Variants in CNTNAP2 observed in about 807,000 individuals in gnomAD.
CNTNAP2 encodes the protein contactin associated protein 2.
Under a neutral mutation model 155.2 loss-of-function variants are expected in CNTNAP2, and 98 were observed. The observed-to-expected ratio is 0.63, with a 90% CI of 0.54 to 0.75. The LOEUF (loss-of-function observed/expected upper bound fraction) is 0.75, where lower values mean the gene tolerates loss of function less well. CNTNAP2 is among the 30% of genes least tolerant of loss of function. The pLI, the probability that CNTNAP2 is intolerant of heterozygous loss-of-function variation, is 0.00. For missense variants in CNTNAP2, 1,727 were observed against 1,688.1 expected (o/e 1.02, Z -0.40); for synonymous variants, 651 against 631.2 (o/e 1.03, Z -0.47).
At chr7:147,303,795 C>T (rs1794982920) in intron 9 of CNTNAP2, among the ~76,000 whole-genome samples, 3 of 152,142 alleles carry the variant, frequency 2.0e-5, no homozygotes, top group African/African-American at 7.2e-5. Context: ...ACTGACTTTC[C>T]AATGCATCTT....
intron 1 of CNTNAP2, among the ~76,000 whole-genome samples, chr7:146,239,505 C>G (rs1447858255): frequency 6.6e-6 from 1 of 152,126 alleles, no homozygotes; most frequent in Non-Finnish European, 1.5e-5. Context: ...GATAGGATAA[C>G]CTGGAGAATC....
chr7:148,331,776 A>G lies in CNTNAP2; in HGVS notation c.3476-51873A>G, dbSNP rs80199711. Among the ~76,000 whole-genome samples the G allele has an allele frequency of 6.1e-3, 74 of 12,092 alleles. 7 individuals carry two copies. The highest frequency in any genetic ancestry group is 0.011 in the East Asian group (4 of 350). The allele number at this position is 12,092 out of a possible 152,430, so 7.9% of individuals were successfully genotyped here. A position where few individuals can be genotyped will look rare whatever the true frequency, so the allele number is the denominator to read the frequency against. ...CGGACGGATGGATTGGATGGATGGA[A>G]TGGACAGATGGAGTGGATGGATAGA... On this transcript the variant is annotated intron_variant, in intron 21 of 23. Coordinates refer to ENST00000361727, the MANE Select transcript of CNTNAP2 (RefSeq NM_014141.6).
At chr7:146,915,082 C>T (rs1172405507) in intron 3 of CNTNAP2, among the ~76,000 whole-genome samples, 1 of 152,040 alleles carries the variant, frequency 6.6e-6, no homozygotes, top group East Asian at 1.9e-4. Flanking sequence ...GGTATACTTT[C>T]CCCACTTTAT....
intron 8 of CNTNAP2, among the ~76,000 whole-genome samples, chr7:147,272,374 A>G (rs549577041): frequency 1.3e-5 from 2 of 152,340 alleles, no homozygotes; most frequent in South Asian, 4.1e-4. Context: ...ATTTTTCACA[A>G]GTAAGCACTA....
chr7:146,362,871 A>G (rs1166405410), intron 1 of CNTNAP2, among the ~76,000 whole-genome samples: 1 of 150,782 alleles, frequency 6.6e-6, no homozygotes, highest in Non-Finnish European at 1.5e-5. Flanking sequence ...CCCGGGTTCA[A>G]GAGATTCTCC....
intron 8 of CNTNAP2, among the ~76,000 whole-genome samples, chr7:147,286,279 G>C (rs1348285890): frequency 6.6e-6 from 1 of 151,928 alleles, no homozygotes; most frequent in African/African-American, 2.4e-5. Flanking sequence ...AAATAACTTA[G>C]TCAATTTAGA....
intron 5 of CNTNAP2, among the ~76,000 whole-genome samples, chr7:147,120,331 T>C (rs1306306092): frequency 2.6e-5 from 4 of 152,170 alleles, no homozygotes; most frequent in Admixed American, 1.3e-4. Context: ...GGTACTATTA[T>C]CTTCCCTATT....
At chr7:146,841,114 AC>A (rs1803712619) in intron 3 of CNTNAP2, among the ~76,000 whole-genome samples, 1 of 152,102 alleles carries the variant, frequency 6.6e-6, no homozygotes, top group South Asian at 2.1e-4. Context: ...AAACATATAG[AC>A]CCTTGTGTCC....
chr7:146,820,455 T>C (rs1257119384), intron 2 of CNTNAP2, among the ~76,000 whole-genome samples: 3 of 152,096 alleles, frequency 2.0e-5, no homozygotes, highest in Non-Finnish European at 4.4e-5. Flanking sequence ...CATTTGTCAG[T>C]TTCCATGTAG....
chr7:147,322,114 A>T (rs901950244), intron 9 of CNTNAP2, among the ~76,000 whole-genome samples: 1 of 152,202 alleles, frequency 6.6e-6, no homozygotes, highest in African/African-American at 2.4e-5. Context: ...TCCAAGTTCT[A>T]GATAGGAGGA....
chr7:148,118,841 C>T (rs1218896776), intron 16 of CNTNAP2, among the ~76,000 whole-genome samples: 2 of 152,098 alleles, frequency 1.3e-5, no homozygotes, highest in Non-Finnish European at 2.9e-5. Context: ...ATGTACTTAG[C>T]CAAAGATACA....
intron 21 of CNTNAP2, among the ~76,000 whole-genome samples, chr7:148,326,348 T>C (rs1277247877): frequency 6.6e-6 from 1 of 152,130 alleles, no homozygotes; most frequent in Non-Finnish European, 1.5e-5. Flanking sequence ...GTTTTTTCAT[T>C]GTGTATGGTT....
At chr7:148,327,766 T>G (rs1297984067) in intron 21 of CNTNAP2, among the ~76,000 whole-genome samples, 1 of 152,126 alleles carries the variant, frequency 6.6e-6, no homozygotes, top group South Asian at 2.1e-4. Context: ...ATCTATGGGT[T>G]TCTATTGCCT....
At chr7:146,686,477 T>G (rs1176604883) in intron 1 of CNTNAP2, among the ~76,000 whole-genome samples, 1 of 152,156 alleles carries the variant, frequency 6.6e-6, no homozygotes, top group East Asian at 1.9e-4. Flanking sequence ...AGGGAATAAA[T>G]ATGTGCTAGC....
chr7:148,140,304 A>G (rs910778749), intron 16 of CNTNAP2, among the ~76,000 whole-genome samples: 2 of 152,082 alleles, frequency 1.3e-5, no homozygotes, highest in African/African-American at 4.8e-5. Flanking sequence ...GATTGCCCAC[A>G]TGGCTGACCT....
chr7:147,569,058 T>G (rs934451616), intron 12 of CNTNAP2, among the ~76,000 whole-genome samples: 3 of 152,188 alleles, frequency 2.0e-5, no homozygotes, highest in African/African-American at 4.8e-5. Context: ...GCCCTGGTTT[T>G]GTAGTTTTAT....
At chr7:146,433,622 A>T (rs1381076011) in intron 1 of CNTNAP2, among the ~76,000 whole-genome samples, 1 of 152,188 alleles carries the variant, frequency 6.6e-6, no homozygotes, top group Non-Finnish European at 1.5e-5. Flanking sequence ...GGAATGTGGA[A>T]GATGAGTGAG....
At chr7:146,615,859 C>T (rs1799215310) in intron 1 of CNTNAP2, among the ~76,000 whole-genome samples, 1 of 152,188 alleles carries the variant, frequency 6.6e-6, no homozygotes, top group Non-Finnish European at 1.5e-5. Flanking sequence ...GTCTGCTCAA[C>T]ATCTCAACAT....
chr7:148,016,108 G>A (rs978712526), intron 15 of CNTNAP2, among the ~76,000 whole-genome samples: 1 of 152,210 alleles, frequency 6.6e-6, no homozygotes, highest in African/African-American at 2.4e-5. Context: ...AAATGTTAAA[G>A]CACATGCCCT....
Sources: allele counts gnomAD v4.1 joint callset (sites outside exome capture counted in the v4.1 genomes callset), GRCh38; gene constraint gnomAD v4.1.1; transcripts MANE v1.5; gene names NCBI Gene and HGNC (gene_info 2026-07-23, HGNC 2026-07-21).